Variants in RBFOX1 observed in about 807,000 individuals in gnomAD.
RBFOX1 encodes RNA binding protein fox-1 homolog 1.
RBFOX1 carries 8 observed loss-of-function variants against 57.7 expected under a neutral mutation model. That is an observed-to-expected ratio of 0.14 (90% CI 0.08 to 0.25). The LOEUF (loss-of-function observed/expected upper bound fraction) is 0.25, where lower values mean the gene tolerates loss of function less well. Ranked by LOEUF, RBFOX1 falls within the 10% of genes least tolerant of loss-of-function variation. The pLI is 1.00. For missense variants in RBFOX1, 611 were observed against 548.5 expected, an observed-to-expected ratio of 1.11 and a Z score of -1.14; for synonymous variants, 326 against 222.4, an observed-to-expected ratio of 1.47 and a Z score of -4.15.
chr16:5,475,351 T>G (rs2069283766), intron 2 of RBFOX1, among the ~76,000 whole-genome samples: 1 of 152,214 alleles, frequency 6.6e-6, no homozygotes, highest in Non-Finnish European at 1.5e-5. Flanking sequence ...AGCCTTGAAG[T>G]TCTTCTGAAA....
intron 4 of RBFOX1, among the ~76,000 whole-genome samples, chr16:7,129,682 G>A (rs574743015): frequency 6.6e-6 from 1 of 152,168 alleles, no homozygotes; most frequent in Admixed American, 6.5e-5. Flanking sequence ...GAAAGGGGCA[G>A]AAATAGCAAA....
intron 4 of RBFOX1, among the ~76,000 whole-genome samples, chr16:7,409,523 C>G (rs1293278758): frequency 6.6e-6 from 1 of 152,184 alleles, no homozygotes; most frequent in Non-Finnish European, 1.5e-5. Flanking sequence ...CCAGTTGTTC[C>G]TGGTTTCGAT....
chr16:6,703,963 C>T (rs1330826952), intron 3 of RBFOX1: 1 of 152,422 alleles, frequency 6.6e-6, no homozygotes, highest in African/African-American at 2.4e-5. Context: ...TTTTCTAGGT[C>T]CCAGTCCCCC....
chr16:7,634,347 G>C (rs68066681), intron 11 of RBFOX1, among the ~76,000 whole-genome samples: 2 of 148,816 alleles, frequency 1.3e-5, no homozygotes, highest in Non-Finnish European at 3.0e-5. Flanking sequence ...GTTTTTTTGC[G>C]TTTTTTTCCT....
intron 4 of RBFOX1, among the ~76,000 whole-genome samples, chr16:7,414,010 A>G (rs2098455789): frequency 6.6e-6 from 1 of 152,208 alleles, no homozygotes; most frequent in Admixed American, 6.5e-5. Flanking sequence ...TCCTGCAGAG[A>G]TGTGGAGGTG....
At position 5,964,630 on chromosome 16, in the gene RBFOX1, T is replaced by A. The variant is rs2059809608; in HGVS notation, c.351+97295T>A. ...ATATATATATCTCACATATACCATA[T>A]ACACATATACACACACATATATACA... On this transcript the variant is annotated intron_variant, in intron 4 of 19. Transcript: ENST00000641259. Among the ~76,000 whole-genome samples the A allele has an allele frequency of 2.6e-5, 4 of 152,198 alleles. No homozygotes were observed. The South Asian group carries it at 8.3e-4, about 31-fold the overall frequency.
At chr16:5,540,216 C>T (rs777051762) in intron 2 of RBFOX1, among the ~76,000 whole-genome samples, 1 of 152,188 alleles carries the variant, frequency 6.6e-6, no homozygotes, top group East Asian at 1.9e-4. Flanking sequence ...TTGTTTATAC[C>T]TTTGAGCATA....
chr16:6,195,367 T>C (rs960169873), intron 1 of RBFOX1, among the ~76,000 whole-genome samples: 3 of 152,208 alleles, frequency 2.0e-5, no homozygotes, highest in African/African-American at 7.2e-5. Flanking sequence ...GGAGTTTATG[T>C]ATCTTTCCGT....
At chr16:5,736,446 C>T (rs1001537605) in intron 3 of RBFOX1, among the ~76,000 whole-genome samples, 1 of 151,956 alleles carries the variant, frequency 6.6e-6, no homozygotes, top group Non-Finnish European at 1.5e-5. Flanking sequence ...TATGGGGCTG[C>T]TGCTTGTCCC....
At chr16:6,617,482 C>T (rs1489939803) in intron 2 of RBFOX1, among the ~76,000 whole-genome samples, 2 of 151,490 alleles carry the variant, frequency 1.3e-5, no homozygotes, top group East Asian at 4.0e-4. Flanking sequence ...TAATTGATTT[C>T]AAACTTGTAT....
intron 2 of RBFOX1, among the ~76,000 whole-genome samples, chr16:6,653,828 C>T (rs1054394595): frequency 2.0e-5 from 3 of 147,018 alleles, no homozygotes; most frequent in Non-Finnish European, 3.0e-5. Flanking sequence ...GAGAAGGATG[C>T]AGGATAGATG....
At chr16:6,338,165 T>A (rs1242367856) in intron 2 of RBFOX1, among the ~76,000 whole-genome samples, 1 of 152,208 alleles carries the variant, frequency 6.6e-6, no homozygotes, top group Non-Finnish European at 1.5e-5. Flanking sequence ...ACCTTCATTT[T>A]CCATTAAGTA....
At chr16:5,454,954 CCTTCCTTTCTTT>C (rs1282432321) in intron 1 of RBFOX1, among the ~76,000 whole-genome samples, 217 of 40,340 alleles carry the variant, frequency 5.4e-3, no homozygotes, top group African/African-American at 0.013. Flanking sequence ...TTCCTTCCTT[CCTTCCTTTCTTT>C]CTTTCTTTCT....
At chr16:5,473,081 T>A (rs982771151) in intron 2 of RBFOX1, among the ~76,000 whole-genome samples, 1 of 152,230 alleles carries the variant, frequency 6.6e-6, no homozygotes, top group African/African-American at 2.4e-5. Flanking sequence ...GAGGAGACTT[T>A]GATGACTGCC....
intron 4 of RBFOX1, among the ~76,000 whole-genome samples, chr16:7,492,471 C>G (rs1469236292): frequency 6.6e-6 from 1 of 152,094 alleles, no homozygotes; most frequent in Non-Finnish European, 1.5e-5. Flanking sequence ...CTGCCTGTCA[C>G]CTACCCTAGA....
intron 1 of RBFOX1, among the ~76,000 whole-genome samples, chr16:6,229,493 T>C (rs997110939): frequency 1.3e-5 from 2 of 152,172 alleles, no homozygotes; most frequent in African/African-American, 4.8e-5. Context: ...TTTGTGAGCA[T>C]TAAGTGACGC....
intron 1 of RBFOX1, among the ~76,000 whole-genome samples, chr16:6,295,894 C>A (rs1004578849): frequency 6.6e-6 from 1 of 152,164 alleles, no homozygotes; most frequent in African/African-American, 2.4e-5. Flanking sequence ...CCGATAATGT[C>A]CCCTGGGCCA....
At chr16:7,567,847 A>C (rs1420933302) in intron 5 of RBFOX1, among the ~76,000 whole-genome samples, 1 of 142,680 alleles carries the variant, frequency 7.0e-6, no homozygotes, top group African/African-American at 2.6e-5. Context: ...ATATATACCT[A>C]TATATATCCA....
chr16:6,697,054 G>A (rs2061157974), intron 3 of RBFOX1, among the ~76,000 whole-genome samples: 1 of 152,172 alleles, frequency 6.6e-6, no homozygotes, highest in Non-Finnish European at 1.5e-5. Context: ...CTTGGCCAAT[G>A]CAAAATTATT....
Sources: allele counts gnomAD v4.1 joint callset (sites outside exome capture counted in the v4.1 genomes callset), GRCh38; gene constraint gnomAD v4.1.1; transcripts MANE v1.5; gene names NCBI Gene and HGNC (gene_info 2026-07-23, HGNC 2026-07-21).